Variants in SORCS1 observed in about 807,000 individuals in gnomAD.
The protein encoded by SORCS1 is VPS10 domain-containing receptor SorCS1.
Under a neutral mutation model 146.1 loss-of-function variants are expected in SORCS1, and 60 were observed. The observed-to-expected ratio is 0.41, with a 90% CI of 0.33 to 0.51. The LOEUF (loss-of-function observed/expected upper bound fraction) is 0.51. Among genes scored for constraint, SORCS1 ranks in the 20% least tolerant of loss-of-function variants. The probability of loss-of-function intolerance (pLI) is 0.21; values close to 1 mark genes in which losing one functional copy is unlikely to be tolerated. For synonymous variants in SORCS1, 637 were observed against 584.0 expected, an observed-to-expected ratio of 1.09 and a Z score of -1.31; for missense variants, 1,352 against 1,487.6, an observed-to-expected ratio of 0.91 and a Z score of 1.50.
At chr10:107,031,613 T>C (rs1179300871) in intron 1 of SORCS1, among the ~76,000 whole-genome samples, 1 of 146,240 alleles carries the variant, frequency 6.8e-6, no homozygotes, top group African/African-American at 2.8e-5. Flanking sequence ...TTTTTTTTTT[T>C]GGTGGGGGGG....
intron 9 of SORCS1, among the ~76,000 whole-genome samples, chr10:106,690,772 T>C (rs1056200752): frequency 1.3e-5 from 2 of 152,216 alleles, no homozygotes; most frequent in African/African-American, 2.4e-5. Context: ...TTTTCTTTTG[T>C]TGCTTTGGCC....
At chr10:106,680,028 C>A (rs953721176) in intron 10 of SORCS1, among the ~76,000 whole-genome samples, 7 of 152,096 alleles carry the variant, frequency 4.6e-5, no homozygotes, top group African/African-American at 1.7e-4. Context: ...GCATGAGATC[C>A]TTCCATTAAT....
chr10:106,981,222 CTG>C (rs1956235154), intron 1 of SORCS1, among the ~76,000 whole-genome samples: 1 of 152,182 alleles, frequency 6.6e-6, no homozygotes, highest in Non-Finnish European at 1.5e-5. Context: ...GCTGAAAACA[CTG>C]AATACTGAAA....
chr10:106,985,539 C>CTTT (rs575357494), intron 1 of SORCS1, among the ~76,000 whole-genome samples: 3 of 135,092 alleles, frequency 2.2e-5, no homozygotes, highest in African/African-American at 5.5e-5. Context: ...TTCACTTAAG[C>CTTT]TTTTTTTTTT....
At chr10:106,662,496 T>C (rs1434585277) in intron 17 of SORCS1, among the ~76,000 whole-genome samples, 1 of 152,110 alleles carries the variant, frequency 6.6e-6, no homozygotes, top group Non-Finnish European at 1.5e-5. Context: ...GGAGCAACAT[T>C]TATGAAGGGG....
At chr10:107,170,649 C>T in the SORCS1 span, among the ~76,000 whole-genome samples, 1 of 152,164 alleles carries the variant, frequency 6.6e-6, no homozygotes, top group African/African-American at 2.4e-5. Flanking sequence ...GAGTATCTTA[C>T]AGAAGAAGGA....
At chr10:106,990,766 C>G (rs1013819507) in intron 1 of SORCS1, among the ~76,000 whole-genome samples, 3 of 152,154 alleles carry the variant, frequency 2.0e-5, no homozygotes, top group Non-Finnish European at 4.4e-5. Flanking sequence ...TGCATAAGGT[C>G]TACTTCTGAA....
chr10:107,075,385 G>T (rs1315749740), intron 1 of SORCS1, among the ~76,000 whole-genome samples: 1 of 152,108 alleles, frequency 6.6e-6, no homozygotes, highest in African/African-American at 2.4e-5. Flanking sequence ...CTTCTATGAT[G>T]CAGTTTAAGT....
intron 1 of SORCS1, among the ~76,000 whole-genome samples, chr10:107,155,320 A>C (rs1211770711): frequency 1.3e-5 from 2 of 152,208 alleles, no homozygotes. Context: ...TCATGTGCAA[A>C]TCTTAAGGAA....
intron 2 of SORCS1, among the ~76,000 whole-genome samples, chr10:106,862,487 T>C (rs1282003502): frequency 6.6e-6 from 1 of 152,168 alleles, no homozygotes; most frequent in Non-Finnish European, 1.5e-5. Flanking sequence ...CTCATCTCTC[T>C]TCAATGTTTT....
intron 2 of SORCS1, among the ~76,000 whole-genome samples, chr10:106,861,678 T>A (rs1950021867): frequency 6.6e-6 from 1 of 150,744 alleles, no homozygotes; most frequent in Non-Finnish European, 1.5e-5. Context: ...GATCACGAGG[T>A]CAAGAGATCA....
intron 2 of SORCS1, among the ~76,000 whole-genome samples, chr10:106,850,130 G>A (rs1224363681): frequency 1.3e-4 from 20 of 151,722 alleles, no homozygotes; most frequent in South Asian, 4.2e-4. Flanking sequence ...CGAGCTTCCC[G>A]GCTGCTTTGT....
chr10:107,047,215 C>G (rs1162393477), intron 1 of SORCS1, among the ~76,000 whole-genome samples: 1 of 152,106 alleles, frequency 6.6e-6, no homozygotes, highest in Non-Finnish European at 1.5e-5. Context: ...TCTTGAACTC[C>G]TGACCTCAAG....
At chr10:106,942,954 A>T (rs543763542) in intron 2 of SORCS1, among the ~76,000 whole-genome samples, 1 of 152,256 alleles carries the variant, frequency 6.6e-6, no homozygotes, top group African/African-American at 2.4e-5. Context: ...TTTCTACAAA[A>T]TCACGTCTCT....
At chr10:106,719,048 G>A (rs1008221142) in intron 6 of SORCS1, among the ~76,000 whole-genome samples, 7 of 152,176 alleles carry the variant, frequency 4.6e-5, no homozygotes, top group African/African-American at 1.4e-4. Context: ...ACCCAATCCA[G>A]AAGCCCACCC....
chr10:107,178,504 T>TATA, the SORCS1 span, among the ~76,000 whole-genome samples: 262 of 145,324 alleles, frequency 1.8e-3, no homozygotes, highest in Non-Finnish European at 3.4e-3. Flanking sequence ...ATATATATAT[T>TATA]TTTTTTTAAG....
intron 2 of SORCS1, among the ~76,000 whole-genome samples, chr10:106,906,864 C>G (rs1342897244): frequency 1.3e-5 from 2 of 152,150 alleles, no homozygotes; most frequent in Non-Finnish European, 2.9e-5. Flanking sequence ...CTGTAACACC[C>G]AGGGAAGGGG....
intron 2 of SORCS1, among the ~76,000 whole-genome samples, chr10:106,840,770 A>G (rs898354357): frequency 6.6e-6 from 1 of 151,216 alleles, no homozygotes; most frequent in Admixed American, 6.6e-5. Context: ...ATATCAAGGC[A>G]AGACCCTCCA....
intron 8 of SORCS1, among the ~76,000 whole-genome samples, chr10:106,699,626 T>C (rs1019397874): frequency 2.6e-5 from 4 of 152,222 alleles, no homozygotes; most frequent in Non-Finnish European, 2.9e-5. Context: ...GGATGTTTGA[T>C]AGACCAGTTT....
Sources: allele counts gnomAD v4.1 joint callset (sites outside exome capture counted in the v4.1 genomes callset), GRCh38; gene constraint gnomAD v4.1.1; transcripts MANE v1.5; gene names NCBI Gene and HGNC (gene_info 2026-07-23, HGNC 2026-07-21).